The following SFTPD variants were observed in gnomAD, a reference collection of about 807,000 sequenced individuals.
SFTPD encodes surfactant protein D.
A neutral mutation model predicts 34.6 loss-of-function variants in SFTPD; 18 were observed. The observed-to-expected ratio is 0.52, with a 90% CI of 0.36 to 0.77. SFTPD has a LOEUF of 0.77. SFTPD is among the 30% of genes least tolerant of loss of function. The pLI, the probability that SFTPD is intolerant of heterozygous loss-of-function variation, is 0.00. For missense variants in SFTPD, 433 were observed against 468.9 expected (o/e 0.92, Z 0.71); for synonymous variants, 155 against 180.9 (o/e 0.86, Z 1.15).
intron 1 of SFTPD, among the ~76,000 whole-genome samples, chr10:79,961,275 CA>C (rs1482863920): frequency 1.3e-5 from 2 of 152,104 alleles, no homozygotes; most frequent in Non-Finnish European, 2.9e-5. Context: ...GCAATGGCAA[CA>C]AAAGCCAGAA....
At chr10:79,976,675 C>T (rs186746152) in intron 1 of SFTPD, among the ~76,000 whole-genome samples, 1 of 152,316 alleles carries the variant, frequency 6.6e-6, no homozygotes, top group Non-Finnish European at 1.5e-5. Flanking sequence ...GACAAGAAGT[C>T]TTCAAAACCA....
At chr10:79,967,242 C>T (rs1364057208) in intron 1 of SFTPD, among the ~76,000 whole-genome samples, 2 of 129,730 alleles carry the variant, frequency 1.5e-5, no homozygotes, top group African/African-American at 3.1e-5. Flanking sequence ...ATCCAACTTA[C>T]AAGGGATGTG....
chr10:79,974,795 G>A (rs116012129), intron 1 of SFTPD, among the ~76,000 whole-genome samples: 215 of 151,996 alleles, frequency 1.4e-3, no homozygotes, highest in Admixed American at 3.1e-3. Context: ...AGACCAGCTC[G>A]GTCAGGGAGA....
intron 2 of SFTPD, among the ~76,000 whole-genome samples, chr10:79,944,645 T>C (rs543974729): frequency 9.9e-5 from 15 of 152,206 alleles, no homozygotes; most frequent in African/African-American, 3.6e-4. Context: ...CATGGGCTGC[T>C]GTAAGGTGTG....
intron 4 of SFTPD, 81 bp downstream of exon 4, chr10:79,942,307 C>T: frequency 1.0e-6 from 1 of 990,404 alleles, no homozygotes. Context: ...CCCTGGCACT[C>T]TGAGCACGCC....
chr10:79,939,992 T>C (rs1206980874), intron 7 of SFTPD, among the ~76,000 whole-genome samples: 2 of 152,182 alleles, frequency 1.3e-5, no homozygotes, highest in African/African-American at 4.8e-5. Flanking sequence ...CCTCCAGAGC[T>C]GCAGGTAGAG....
At chr10:79,941,672 T>C in intron 5 of SFTPD, 158 bp from the exon 6 acceptor site, 1 of 640,074 alleles carries the variant, frequency 1.6e-6, no homozygotes, top group Admixed American at 3.0e-5. Flanking sequence ...ACACTGACTG[T>C]CCCTGTCACC....
At chr10:79,949,856 A>ATTT (rs5786427), upstream of SFTPD, among the ~76,000 whole-genome samples, 337 of 146,174 alleles carry the variant, frequency 2.3e-3, 4 homozygotes, top group East Asian at 5.8e-3. Flanking sequence ...GTCTGTATGT[A>ATTT]TTTTTTTTTT....
rs1401401746 is a variant in SFTPD, at chr10:79,942,485, A to G, written c.336T>C (p.Gly112=). 9.9e-6 allele frequency: 16 copies of G among 1,612,796 alleles called. No individual in the cohort carries two copies. In the Admixed American group the frequency reaches 2.7e-4, roughly 27 times the overall value. ...CTTCTCTTCCAGCTGGACCAGGCACACCGGGAGGTCCTGGAGGTCCTGAGC... is the reference window on the plus strand; with the variant it reads ...CTTCTCTTCCAGCTGGACCAGGCACGCCGGGAGGTCCTGGAGGTCCTGAGC... The part of the protein sequence containing the change: ...TGPSGPPGPP[G]VPGPAGREGP... The change falls in exon 4 of 8, where the codon GGT becomes GGC. Residue 112 remains glycine, a synonymous_variant. Transcript: ENST00000372292.
chr10:79,954,930 TATGC>T (rs1183136575), intron 1 of SFTPD, among the ~76,000 whole-genome samples: 1 of 152,188 alleles, frequency 6.6e-6, no homozygotes, highest in Non-Finnish European at 1.5e-5. Context: ...CAAGTAGCCA[TATGC>T]TTCAAAGAAA....
chr10:79,973,151 T>G (rs1036901823), intron 1 of SFTPD: 4 of 152,262 alleles, frequency 2.6e-5, no homozygotes, highest in Non-Finnish European at 5.9e-5. Flanking sequence ...GCATTTTTGT[T>G]AGTATTAACA....
Position 79,946,512 on chromosome 10 carries a change from G to A in SFTPD, c.148C>T (p.Arg50Cys), listed in dbSNP as rs748007493. Residue 50 changes from arginine to cysteine, a missense_variant, in exon 2 of 8, where the codon CGC (arginine) becomes TGC (cysteine). Transcript: ENST00000372292. The stretch of plus-strand genomic sequence containing the variant: ...CCCTCTCTCCCATCCCGTCCATCGC[G>A]ACCAGGCAGGCCACTCTCCACTGAG... ...CSSVESGLPG[R>C]DGRDGREGPR... 1.4e-5 allele frequency: 22 copies of A among 1,614,012 alleles called. No individual in the cohort carries two copies. Among genetic ancestry groups the A allele is most frequent in the Admixed American group, 1.0e-4 (6 of 60,010 alleles).
chr10:79,960,499 T>C (rs914881089), intron 1 of SFTPD, among the ~76,000 whole-genome samples: 27 of 147,746 alleles, frequency 1.8e-4, no homozygotes, highest in Non-Finnish European at 1.3e-4. Flanking sequence ...TATACACCAA[T>C]AACAGACAAA....
At chr10:79,940,541 T>G (rs1842600448) in intron 7 of SFTPD, among the ~76,000 whole-genome samples, 164 bp downstream of exon 7, 1 of 151,990 alleles carries the variant, frequency 6.6e-6, no homozygotes, top group African/African-American at 2.4e-5. Context: ...CAGTCCCAGG[T>G]CCAGCCCTAC....
intron 1 of SFTPD, among the ~76,000 whole-genome samples, chr10:79,978,419 A>G (rs1168288996): frequency 6.6e-6 from 1 of 152,206 alleles, no homozygotes; most frequent in East Asian, 1.9e-4. Context: ...TGGGAGGCCA[A>G]CGTGGGTGGA....
At position 79,972,507 on chromosome 10, in the gene SFTPD, C is replaced by CACATAG. The variant is rs1336367755; in HGVS notation, c.36+10067_36+10068insCTATGT. ...GTGTGAGACTCTGTCTCAAAACACACACACAGACACACACACACACACACA... is the reference window on the plus strand; with the variant it reads ...GTGTGAGACTCTGTCTCAAAACACACACATAGACACAGACACACACACACACACACA... On this transcript the variant is annotated intron_variant, in intron 1 of 5. Transcript: ENST00000444384. 5.0e-3 allele frequency: 504 copies of CACATAG among 101,802 alleles called. 1 individual carries two copies. The highest frequency in any genetic ancestry group is 0.018 in the African/African-American group (437 of 23,644). 6.3% of individuals were successfully genotyped at this position (101,802 alleles called of 1,614,324 possible).
chr10:79,971,537 C>A (rs1055116066), intron 1 of SFTPD: 1 of 151,760 alleles, frequency 6.6e-6, no homozygotes, highest in East Asian at 1.9e-4. Context: ...TCTTGTAGCT[C>A]GTAATTGGTC....
intron 1 of SFTPD, chr10:79,968,332 C>G (rs1415656184): frequency 6.6e-6 from 1 of 152,132 alleles, no homozygotes; most frequent in Non-Finnish European, 1.5e-5. Context: ...CAACACTTTC[C>G]CCCTCCCCAG....
chr10:79,973,028 G>A (rs1236216392), intron 1 of SFTPD: 1 of 152,136 alleles, frequency 6.6e-6, no homozygotes, highest in Non-Finnish European at 1.5e-5. Context: ...GTTATCATGT[G>A]TGAGTTTCCC....
Sources: gnomAD v4.1 joint callset for allele counts (sites outside exome capture counted in the v4.1 genomes callset) on GRCh38, gnomAD v4.1.1 for gene constraint, MANE v1.5 for transcripts, NCBI Gene and HGNC (gene_info 2026-07-23, HGNC 2026-07-21) for gene names.